Variants in RBFOX1 observed in about 807,000 individuals in gnomAD.
RBFOX1 encodes RNA binding fox-1 homolog 1.
A neutral mutation model predicts 57.7 loss-of-function variants in RBFOX1; 8 were observed. That is an observed-to-expected ratio of 0.14 (90% confidence interval 0.08 to 0.25). RBFOX1 has a LOEUF of 0.25. Ranked by LOEUF, RBFOX1 falls within the 10% of genes least tolerant of loss-of-function variation. RBFOX1 has a pLI of 1.00. For synonymous variants in RBFOX1, 326 were observed against 222.4 expected (o/e 1.47, Z -4.15); for missense variants, 611 against 548.5 (o/e 1.11, Z -1.14).
At chr16:6,557,237 C>G (rs1196054491) in intron 2 of RBFOX1, among the ~76,000 whole-genome samples, 1 of 150,712 alleles carries the variant, frequency 6.6e-6, no homozygotes, top group Admixed American at 6.6e-5. Context: ...TTTGGAATCA[C>G]CATGCCCTTC....
chr16:7,548,226 C>T (rs374204943), intron 5 of RBFOX1, among the ~76,000 whole-genome samples: 1 of 152,286 alleles, frequency 6.6e-6, no homozygotes, highest in African/African-American at 2.4e-5. Flanking sequence ...GGCTGGAGTA[C>T]AGTGGTGTGA....
At chr16:7,638,404 C>G (rs566923520) in intron 11 of RBFOX1, among the ~76,000 whole-genome samples, 5 of 115,166 alleles carry the variant, frequency 4.3e-5, no homozygotes. Flanking sequence ...AAGCCGCCTT[C>G]TTCACTACTC....
rs147457216 is a variant in RBFOX1 at position 5,646,550 on chromosome 16, G to T, written c.318+47589G>T. On this transcript the variant is annotated intron_variant, in intron 3 of 19. Coordinates refer to the RBFOX1 transcript ENST00000641259. ...ATGTGCAGGAGGAGAATGCAGAGGA[G>T]ACACCTGCTATGTCAGAGGGTCGCA... Among the ~76,000 whole-genome samples the T allele has an allele frequency of 6.1e-3, 936 of 152,278 alleles. 25 individuals are homozygous for T. Among genetic ancestry groups the T allele is most frequent in the Admixed American group, 0.048 (733 of 15,294 alleles).
intron 4 of RBFOX1, among the ~76,000 whole-genome samples, chr16:7,058,566 A>T (rs998780779): frequency 6.6e-6 from 1 of 151,748 alleles, no homozygotes; most frequent in East Asian, 1.9e-4. Flanking sequence ...CACAGATTTC[A>T]TAAGTTTGTG....
chr16:6,354,087 G>A (rs531749879), intron 2 of RBFOX1, among the ~76,000 whole-genome samples: 1 of 152,154 alleles, frequency 6.6e-6, no homozygotes, highest in African/African-American at 2.4e-5. Flanking sequence ...AGGCCTGGTG[G>A]CATGCGTCTG....
chr16:5,536,306 C>T (rs956647598), intron 2 of RBFOX1, among the ~76,000 whole-genome samples: 1 of 142,916 alleles, frequency 7.0e-6, no homozygotes, highest in East Asian at 2.0e-4. Context: ...ATGATCTTGA[C>T]TCAGCACAGC....
At chr16:7,317,383 C>G (rs903123081) in intron 4 of RBFOX1, among the ~76,000 whole-genome samples, 21 of 152,080 alleles carry the variant, frequency 1.4e-4, no homozygotes, top group African/African-American at 5.1e-4. Flanking sequence ...TATCTTAGGC[C>G]AAAGCTCCCA....
chr16:6,430,303 G>A (rs531307368), intron 2 of RBFOX1, among the ~76,000 whole-genome samples: 2 of 152,282 alleles, frequency 1.3e-5, no homozygotes, highest in Admixed American at 6.5e-5. Context: ...CTCTTGAGGA[G>A]CTCAGAATGG....
intron 1 of RBFOX1, chr16:5,366,173 C>A: frequency 2.4e-6 from 1 of 421,040 alleles, no homozygotes; most frequent in Non-Finnish European, 4.6e-6. Flanking sequence ...AGTCAGAAGA[C>A]GAAGACAAAG....
intron 1 of RBFOX1, among the ~76,000 whole-genome samples, chr16:5,405,123 G>A (rs1381729581): frequency 6.6e-6 from 1 of 152,204 alleles, no homozygotes; most frequent in Non-Finnish European, 1.5e-5. Context: ...TGTCAGAATG[G>A]GGATTTGAAC....
chr16:5,899,368 C>G (rs1161059975), intron 4 of RBFOX1, among the ~76,000 whole-genome samples: 1 of 152,122 alleles, frequency 6.6e-6, no homozygotes, highest in South Asian at 2.1e-4. Flanking sequence ...GGAAACTGAC[C>G]TGGTCCATTG....
chr16:6,421,870 T>A (rs2152989850), intron 2 of RBFOX1, among the ~76,000 whole-genome samples: 1 of 150,776 alleles, frequency 6.6e-6, no homozygotes, highest in African/African-American at 2.4e-5. Flanking sequence ...TCCCATCAAA[T>A]AGACTGTGGT....
chr16:5,962,562 A>C (rs988233833), intron 4 of RBFOX1, among the ~76,000 whole-genome samples: 1 of 152,068 alleles, frequency 6.6e-6, no homozygotes, highest in Non-Finnish European at 1.5e-5. Flanking sequence ...TCTAAATCTC[A>C]TGTCTCCTTT....
Position 6,636,744 on chromosome 16 carries a change from T to C in RBFOX1, c.-63-17859T>C, listed in dbSNP as rs183054323. On this transcript the variant is annotated intron_variant, in intron 2 of 15. Transcript: ENST00000550418. ...TGGAAGTCATAAAATAAGCCAATTA[T>C]ATATAATATAGTTTATATATATAAT... 5.2e-3 allele frequency among the ~76,000 whole-genome samples: 700 copies of C among 133,724 alleles called. 6 individuals carry two copies. The highest frequency in any genetic ancestry group is 0.019 in the African/African-American group (670 of 36,080). 87.7% of individuals were successfully genotyped at this position (133,724 alleles called of 152,430 possible).
intron 1 of RBFOX1, among the ~76,000 whole-genome samples, chr16:6,134,628 C>G (rs1043212061): frequency 3.3e-5 from 5 of 151,750 alleles, no homozygotes; most frequent in Non-Finnish European, 7.4e-5. Context: ...GGAGACTAAC[C>G]GTGAACTGTC....
At chr16:6,643,836 T>C (rs982840602) in intron 2 of RBFOX1, among the ~76,000 whole-genome samples, 3 of 57,650 alleles carry the variant, frequency 5.2e-5, no homozygotes, top group Non-Finnish European at 1.1e-4. Context: ...GGTTAAAAAA[T>C]CATATAAGGC....
chr16:6,326,048 A>C (rs961988552), intron 2 of RBFOX1, among the ~76,000 whole-genome samples: 2 of 152,172 alleles, frequency 1.3e-5, no homozygotes, highest in Non-Finnish European at 2.9e-5. Flanking sequence ...ATGCATATGC[A>C]TTGGCAGAAA....
At chr16:5,664,322 G>T (rs1290315865) in intron 3 of RBFOX1, among the ~76,000 whole-genome samples, 1 of 152,140 alleles carries the variant, frequency 6.6e-6, no homozygotes, top group Non-Finnish European at 1.5e-5. Flanking sequence ...GGCTGAGGTG[G>T]GCAGATCACG....
intron 3 of RBFOX1, among the ~76,000 whole-genome samples, chr16:6,708,194 C>A (rs981358908): frequency 6.6e-6 from 1 of 151,932 alleles, no homozygotes; most frequent in African/African-American, 2.4e-5. Context: ...TATTAAGCCC[C>A]CTCCTTTGTT....
Sources: gnomAD v4.1 joint callset for allele counts (sites outside exome capture counted in the v4.1 genomes callset) on GRCh38, gnomAD v4.1.1 for gene constraint, MANE v1.5 for transcripts, NCBI Gene and HGNC (gene_info 2026-07-23, HGNC 2026-07-21) for gene names.